The following H2AZ2 variants were observed in gnomAD, a reference collection of about 807,000 sequenced individuals.
The protein encoded by H2AZ2 is histone H2A.V.
A neutral mutation model predicts 15.5 loss-of-function variants in H2AZ2; 5 were observed. That is an observed-to-expected ratio of 0.32 (90% CI 0.17 to 0.68). The LOEUF is 0.68. H2AZ2 is among the 30% of genes least tolerant of loss of function. H2AZ2 has a pLI of 0.72. For missense variants in H2AZ2, 42 were observed against 162.5 expected (o/e 0.26, Z 4.03); for synonymous variants, 44 against 57.4 (o/e 0.77, Z 1.05).
intron 1 of H2AZ2, among the ~76,000 whole-genome samples, chr7:44,846,647 C>CA (rs1189374355): frequency 1.5e-5 from 1 of 66,656 alleles, no homozygotes; most frequent in Non-Finnish European, 4.6e-5. Flanking sequence ...AAACAAACAA[C>CA]AAAAAACCAA....
chr7:44,839,806 T>A (rs1793227739), intron 3 of H2AZ2, among the ~76,000 whole-genome samples: 1 of 151,212 alleles, frequency 6.6e-6, no homozygotes, highest in African/African-American at 2.4e-5. Context: ...AATTTGAGAC[T>A]GACCTGGCCA....
rs1475339588 is a variant in H2AZ2, at chr7:44,832,975, A to C, written c.*1526T>G. Among the ~76,000 whole-genome samples the C allele has an allele frequency of 6.6e-6, 1 of 152,134 alleles. No individual in the cohort carries two copies. Among genetic ancestry groups the C allele is most frequent in the Non-Finnish European group, 1.5e-5 (1 of 68,018 alleles). ...AAAACAAACAAAAAAGTTTCTTAGA[A>C]ACTGATAAATAAATATAATTTTTAA... On this transcript the variant is annotated 3_prime_UTR_variant, in exon 5 of 5. Coordinates refer to ENST00000308153, the MANE Select transcript of H2AZ2 (RefSeq NM_012412.5).
intron 1 of H2AZ2, among the ~76,000 whole-genome samples, chr7:44,844,033 C>A (rs1793340067): frequency 7.7e-6 from 1 of 130,300 alleles, no homozygotes; most frequent in African/African-American, 2.6e-5. Flanking sequence ...AAAAATAAAG[C>A]ATGTTCCAAG....
downstream of H2AZ2, among the ~76,000 whole-genome samples, chr7:44,831,231 A>C (rs577794011): frequency 5.3e-5 from 8 of 152,182 alleles, no homozygotes; most frequent in Non-Finnish European, 1.0e-4. Context: ...GATATTATAC[A>C]TGAAGTGATA....
At chr7:44,840,804 A>G in intron 3 of H2AZ2, 95 bp downstream of exon 3, 1 of 780,228 alleles carries the variant, frequency 1.3e-6, no homozygotes, top group Non-Finnish European at 2.0e-6. Context: ...CAGTGAGCAT[A>G]ATATGTCTTT....
intron 2 of H2AZ2, among the ~76,000 whole-genome samples, chr7:44,841,868 A>T (rs1383030818): frequency 1.3e-5 from 2 of 152,092 alleles, no homozygotes; most frequent in African/African-American, 4.8e-5. Context: ...CCTTCTACAG[A>T]CTTTACTGAA....
downstream of H2AZ2, chr7:44,830,136 C>G: frequency 6.2e-7 from 1 of 1,613,722 alleles, no homozygotes; most frequent in Non-Finnish European, 8.5e-7. Context: ...ACAATGGCAT[C>G]TTCTGATCTA....
In H2AZ2 at chr7:44,848,046, C is replaced by T; in HGVS notation, c.-75G>A. ...CGACCCGCGCCGCCGCCGCCGCTCT[C>T]GCAGCACCGACCGCCGCCGCCGGAG... On this transcript the variant is annotated 5_prime_UTR_variant, in exon 1 of 5. Coordinates refer to ENST00000308153, the MANE Select transcript of H2AZ2 (RefSeq NM_012412.5). The T allele has an allele frequency of 1.0e-6, 1 of 1,003,286 alleles. No individual in the cohort carries two copies. Among genetic ancestry groups the T allele is most frequent in the Non-Finnish European group, 1.3e-6 (1 of 778,536 alleles). The allele number at this position is 1,003,286 out of a possible 1,614,324, so 62.1% of individuals were successfully genotyped here.
intron 1 of H2AZ2, among the ~76,000 whole-genome samples, chr7:44,847,695 A>G (rs28739398): frequency 0.13 from 19,436 of 152,142 alleles, 1,574 homozygotes; most frequent in Non-Finnish European, 0.17. Context: ...CCTCCTTCTA[A>G]GACGGGCGGT....
chr7:44,846,543 G>A (rs1342000436), intron 1 of H2AZ2, among the ~76,000 whole-genome samples: 1 of 151,310 alleles, frequency 6.6e-6, no homozygotes, highest in African/African-American at 2.4e-5. Context: ...CCCGGGAGGC[G>A]GAGGTTGCAG....
chr7:44,845,180 C>T (rs1193149110), intron 1 of H2AZ2, among the ~76,000 whole-genome samples: 1 of 151,978 alleles, frequency 6.6e-6, no homozygotes, highest in Non-Finnish European at 1.5e-5. Context: ...GGATTAAGTG[C>T]GTGTCACCCA....
chr7:44,845,476 T>G (rs1213046922), intron 1 of H2AZ2, among the ~76,000 whole-genome samples: 1 of 152,158 alleles, frequency 6.6e-6, no homozygotes, highest in African/African-American at 2.4e-5. Context: ...AAAACCCTTG[T>G]TACCTCCATT....
chr7:44,838,839 C>T (rs1482359759), intron 3 of H2AZ2, among the ~76,000 whole-genome samples: 3 of 152,216 alleles, frequency 2.0e-5, no homozygotes, highest in African/African-American at 4.8e-5. Flanking sequence ...CTAAATTCCT[C>T]AGCCTAGCTC....
chr7:44,836,440 A>T (rs1166830527), intron 3 of H2AZ2, among the ~76,000 whole-genome samples: 3 of 152,138 alleles, frequency 2.0e-5, no homozygotes, highest in Non-Finnish European at 2.9e-5. Flanking sequence ...GCCTCAAGTG[A>T]TCTTCCTACT....
rs1015034771 is a variant in H2AZ2, at chr7:44,848,022, G to T, written c.-51C>A. ...CTCGGCCGCGCGCCCTCCCGCTGCC[G>T]ACCCGCGCCGCCGCCGCCGCTCTCG... is the stretch of plus-strand genomic sequence containing the variant. On this transcript the variant is annotated 5_prime_UTR_variant, in exon 1 of 5. Coordinates refer to ENST00000308153, the MANE Select transcript of H2AZ2 (RefSeq NM_012412.5). 3.3e-6 allele frequency: 4 copies of T among 1,199,776 alleles called. No individual in the cohort carries two copies. The African/African-American group carries it at 4.8e-5, about 14-fold the overall frequency. 74.3% of individuals were successfully genotyped at this position (1,199,776 alleles called of 1,614,324 possible).
downstream of H2AZ2, chr7:44,829,730 A>G (rs1792975173): frequency 6.3e-6 from 1 of 158,246 alleles, no homozygotes; most frequent in South Asian, 1.9e-4. Context: ...AGGACTCCCT[A>G]TGAAACAAAA....
At position 44,833,682 on chromosome 7, in the gene H2AZ2, C is replaced by A; in HGVS notation, c.*819G>T. The stretch of plus-strand genomic sequence containing the variant: ...TGGGATTTTAAACCAAAAGGAGAAA[C>A]CTTTGATAAACTGAACATCAATTCC... On this transcript the variant is annotated 3_prime_UTR_variant, in exon 5 of 5. Transcript: ENST00000308153. 1.0e-6 allele frequency: 1 copy of A among 985,394 alleles called. No individual in the cohort carries two copies. The highest frequency in any genetic ancestry group is 1.7e-5 in the African/African-American group (1 of 57,366). 61.0% of individuals were successfully genotyped at this position (985,394 alleles called of 1,614,324 possible). A position where few individuals can be genotyped will look rare whatever the true frequency, so the allele number is the denominator to read the frequency against.
chr7:44,846,062 C>CACACACAGAGAGAGAGAGAGAG (rs57468916), intron 1 of H2AZ2, among the ~76,000 whole-genome samples: 2 of 75,158 alleles, frequency 2.7e-5, no homozygotes, highest in Admixed American at 1.4e-4. Flanking sequence ...CACACACACA[C>CACACACAGAGAGAGAGAGAGAG]AGAGAGAGAC....
At chr7:44,846,024 T>TAAACACACACAC (rs1793389427) in intron 1 of H2AZ2, among the ~76,000 whole-genome samples, 1 of 132,754 alleles carries the variant, frequency 7.5e-6, no homozygotes, top group Non-Finnish European at 1.6e-5. Flanking sequence ...TTTAAAAAAT[T>TAAACACACACAC]ACACACACAC....
Sources: gnomAD v4.1 joint callset for allele counts (sites outside exome capture counted in the v4.1 genomes callset) on GRCh38, gnomAD v4.1.1 for gene constraint, MANE v1.5 for transcripts, NCBI Gene and HGNC (gene_info 2026-07-23, HGNC 2026-07-21) for gene names.